HTR7: variants seen among roughly 807,000 people sequenced by gnomAD.
HTR7 encodes 5-HT-7.
A neutral mutation model predicts 34.0 loss-of-function variants in HTR7; 16 were observed. The ratio of observed to expected loss-of-function variants is 0.47; its 90% CI spans 0.32 to 0.71. The LOEUF is 0.71. Ranked by LOEUF, HTR7 falls within the 30% of genes least tolerant of loss-of-function variation. HTR7 has a pLI of 0.04. For synonymous variants in HTR7, 265 were observed against 260.2 expected (o/e 1.02, Z -0.18); for missense variants, 504 against 625.5 (o/e 0.81, Z 2.07).
intron 1 of HTR7, among the ~76,000 whole-genome samples, chr10:90,823,435 G>C (rs534495584): frequency 3.9e-5 from 6 of 152,156 alleles, no homozygotes; most frequent in Admixed American, 1.3e-4. Context: ...GATTTCTCCC[G>C]CTTGGAATGG....
intron 1 of HTR7, among the ~76,000 whole-genome samples, chr10:90,797,014 A>C (rs1266391505): frequency 1.3e-5 from 2 of 151,706 alleles, no homozygotes; most frequent in East Asian, 1.9e-4. Flanking sequence ...TCCGTCTCAA[A>C]AAAAAAAAAA....
intron 1 of HTR7, among the ~76,000 whole-genome samples, chr10:90,753,029 T>C (rs1231113523): frequency 6.6e-6 from 1 of 152,216 alleles, no homozygotes; most frequent in Non-Finnish European, 1.5e-5. Context: ...AAGCAACATT[T>C]AGTTTAATTC....
intron 1 of HTR7, among the ~76,000 whole-genome samples, chr10:90,805,040 AT>A (rs1845682240): frequency 6.6e-6 from 1 of 152,206 alleles, no homozygotes; most frequent in South Asian, 2.1e-4. Flanking sequence ...GCACTGTTTT[AT>A]ATTGCATTAC....
intron 1 of HTR7, among the ~76,000 whole-genome samples, chr10:90,775,045 G>A (rs1443045080): frequency 6.6e-6 from 1 of 152,144 alleles, no homozygotes; most frequent in Non-Finnish European, 1.5e-5. Flanking sequence ...TATGCCGTTG[G>A]GTAGAAAACA....
intron 1 of HTR7, among the ~76,000 whole-genome samples, chr10:90,753,171 G>A (rs1417743559): frequency 6.6e-6 from 1 of 151,990 alleles, no homozygotes; most frequent in Non-Finnish European, 1.5e-5. Context: ...TTCAGAGTTT[G>A]TAAAAGAAAA....
chr10:90,783,525 C>A (rs1845338281), intron 1 of HTR7, among the ~76,000 whole-genome samples: 2 of 152,162 alleles, frequency 1.3e-5, no homozygotes, highest in Non-Finnish European at 2.9e-5. Flanking sequence ...CTCTCCATTT[C>A]ATATCTCTAA....
intron 1 of HTR7, among the ~76,000 whole-genome samples, chr10:90,750,092 A>C (rs1046297194): frequency 6.6e-6 from 1 of 152,226 alleles, no homozygotes; most frequent in African/African-American, 2.4e-5. Flanking sequence ...CAGCAAAAGC[A>C]TTTCTTTAAG....
rs773826873 is a variant in HTR7, at chr10:90,857,614, G to A, written c.58C>T (p.Leu20Phe). The A allele has an allele frequency of 3.1e-6, 5 of 1,599,550 alleles. No homozygotes were observed. Among genetic ancestry groups the A allele is most frequent in the East Asian group, 2.3e-5 (1 of 44,220 alleles). The change falls in exon 1 of 4, where the codon CTT becomes TTT. Residue 20 changes from leucine (L) to phenylalanine (F), a missense_variant. Physicochemically the swap from Leu to Phe is conservative, Grantham distance 22. Transcript: ENST00000336152. This position sits in a 1 kb window ranked among gnomAD's most constrained non-coding sequence, Gnocchi z 6.5. Reference protein sequence around the residue: ...PDLYGHLRSFLLPEVGRGLPD... With the variant: ...PDLYGHLRSFFLPEVGRGLPD... ...AGCCCGCGCCCCACTTCTGGCAGAA[G>A]GAAAGAGCGGAGGTGCCCGTAGAGG...
intron 1 of HTR7, among the ~76,000 whole-genome samples, chr10:90,818,493 C>T (rs1266010767): frequency 6.6e-6 from 1 of 152,084 alleles, no homozygotes; most frequent in Non-Finnish European, 1.5e-5. Flanking sequence ...TTGCAGTGAG[C>T]CGAGATCGCA....
chr10:90,747,913 T>C (rs573634034), intron 2 of HTR7, among the ~76,000 whole-genome samples: 8 of 152,362 alleles, frequency 5.3e-5, no homozygotes, highest in Non-Finnish European at 1.0e-4. Context: ...ATCAGACATG[T>C]TGACACCTCT....
chr10:90,810,251 G>T (rs1589460796), intron 1 of HTR7, among the ~76,000 whole-genome samples: 1 of 151,902 alleles, frequency 6.6e-6, no homozygotes, highest in Non-Finnish European at 1.5e-5. Context: ...ACATCTCATT[G>T]CCACCTTTTC....
intron 1 of HTR7, among the ~76,000 whole-genome samples, chr10:90,819,442 G>A (rs1474660896): frequency 1.3e-5 from 2 of 152,102 alleles, no homozygotes; most frequent in Non-Finnish European, 2.9e-5. Flanking sequence ...CTAGGGCTGG[G>A]GATGCAAAGC....
intron 1 of HTR7, among the ~76,000 whole-genome samples, chr10:90,765,627 G>C (rs1450044613): frequency 1.3e-5 from 2 of 151,052 alleles, no homozygotes; most frequent in African/African-American, 2.4e-5. Context: ...TGTTTATTTA[G>C]GTTCTTTCTT....
Position 90,777,449 on chromosome 10 carries a change from C to G in HTR7, c.540-27855G>C, listed in dbSNP as rs550930763. 6.7e-5 allele frequency among the ~76,000 whole-genome samples: 10 copies of G among 148,602 alleles called. No homozygotes were observed. The South Asian group carries it at 1.9e-3, about 29-fold the overall frequency. ...TGAGCCAAGATGACGCCACTGCACT[C>G]CAGCCTGGGTGACAGAGAGAGACTC... On this transcript the variant is annotated intron_variant, in intron 1 of 3. Coordinates refer to ENST00000336152, the MANE Select transcript of HTR7 (RefSeq NM_019859.4).
chr10:90,766,943 G>C (rs1030188178), intron 1 of HTR7, among the ~76,000 whole-genome samples: 2 of 152,232 alleles, frequency 1.3e-5, no homozygotes, highest in Non-Finnish European at 2.9e-5. Flanking sequence ...GCGATCTCTA[G>C]TTGAGTGGGG....
intron 1 of HTR7, among the ~76,000 whole-genome samples, chr10:90,754,058 T>C (rs1052009325): frequency 2.0e-5 from 3 of 152,040 alleles, no homozygotes; most frequent in African/African-American, 7.2e-5. Flanking sequence ...GTAGTGAGCA[T>C]GTAAAAAAAA....
At chr10:90,759,451 C>G (rs560113357) in intron 1 of HTR7, among the ~76,000 whole-genome samples, 1 of 149,206 alleles carries the variant, frequency 6.7e-6, no homozygotes, top group Non-Finnish European at 1.5e-5. Flanking sequence ...GTCAGGAGAT[C>G]GAGACCATCC....
At chr10:90,819,173 A>G (rs2120001552) in intron 1 of HTR7, among the ~76,000 whole-genome samples, 1 of 152,324 alleles carries the variant, frequency 6.6e-6, no homozygotes, top group East Asian at 1.9e-4. Flanking sequence ...GAAGTAAGAG[A>G]TATTAAAAAA....
chr10:90,834,381 A>AT (rs1322563721), intron 1 of HTR7, among the ~76,000 whole-genome samples: 16 of 144,450 alleles, frequency 1.1e-4, no homozygotes, highest in Non-Finnish European at 1.5e-5. Flanking sequence ...GGGAACATAA[A>AT]TTCGGGGGGT....
Sources: allele counts gnomAD v4.1 joint callset (sites outside exome capture counted in the v4.1 genomes callset), GRCh38; gene constraint gnomAD v4.1.1; non-coding constraint Gnocchi (gnomAD v3.1); transcripts MANE v1.5; gene names NCBI Gene and HGNC (gene_info 2026-07-23, HGNC 2026-07-21).